The following STIM1 variants were observed in gnomAD, a reference collection of about 807,000 sequenced individuals.
STIM1 encodes stromal interaction molecule 1.
Under a neutral mutation model 74.7 loss-of-function variants are expected in STIM1, and 25 were observed. The ratio of observed to expected loss-of-function variants is 0.33; its 90% CI spans 0.24 to 0.47. STIM1 has a LOEUF of 0.47. Ranked by LOEUF, STIM1 falls within the 20% of genes least tolerant of loss-of-function variation. STIM1 has a pLI of 1.00. For missense variants in STIM1, 728 were observed against 920.8 expected (o/e 0.79, Z 2.71); for synonymous variants, 328 against 348.8 (o/e 0.94, Z 0.66).
chr11:3,860,636 G>T (rs951292225), intron 1 of STIM1, among the ~76,000 whole-genome samples: 2 of 152,104 alleles, frequency 1.3e-5, no homozygotes, highest in South Asian at 2.1e-4. Flanking sequence ...CTAATTCAAA[G>T]GTTACGAGAT....
chr11:3,901,415 T>C (rs2092345477), intron 1 of STIM1, among the ~76,000 whole-genome samples: 1 of 152,136 alleles, frequency 6.6e-6, no homozygotes, highest in African/African-American at 2.4e-5. Context: ...AGAACACCAT[T>C]AGGTAAATGA....
intron 2 of STIM1, among the ~76,000 whole-genome samples, chr11:3,976,910 T>A (rs937343876): frequency 6.6e-6 from 1 of 152,140 alleles, no homozygotes; most frequent in African/African-American, 2.4e-5. Flanking sequence ...TTCTCCTGCA[T>A]CAGCCTCCCT....
intron 1 of STIM1, among the ~76,000 whole-genome samples, chr11:3,879,207 C>T (rs984048555): frequency 1.3e-5 from 2 of 152,164 alleles, no homozygotes; most frequent in Admixed American, 6.5e-5. Context: ...CCACATGCCT[C>T]AGCCTCCCAA....
At chr11:4,006,387 A>T (rs1480439374) in intron 2 of STIM1, among the ~76,000 whole-genome samples, 1 of 151,996 alleles carries the variant, frequency 6.6e-6, no homozygotes, top group Non-Finnish European at 1.5e-5. Flanking sequence ...CTTATAAATT[A>T]CCCAGTCTCA....
chr11:3,886,638 AC>A (rs1263616429), intron 1 of STIM1, among the ~76,000 whole-genome samples: 1 of 143,616 alleles, frequency 7.0e-6, no homozygotes, highest in African/African-American at 2.7e-5. Flanking sequence ...CAGTGAGCAG[AC>A]ATCACGCCAC....
chr11:4,074,792 A>G (rs2094427925), intron 7 of STIM1, 113 bp downstream of exon 7: 2 of 1,222,128 alleles, frequency 1.6e-6, no homozygotes, highest in Admixed American at 2.1e-5. Context: ...TCCAAAGACT[A>G]TGTTCTAGAG....
At chr11:4,069,970 C>A (rs1209484212) in intron 5 of STIM1, 56 bp from the exon 6 acceptor site, 9 of 1,601,692 alleles carry the variant, frequency 5.6e-6, no homozygotes, top group Non-Finnish European at 6.8e-6. Context: ...GTGGAGTCTG[C>A]AAGGCTAAGT....
chr11:4,076,823 A>G (rs1590693387), intron 7 of STIM1, among the ~76,000 whole-genome samples: 1 of 139,722 alleles, frequency 7.2e-6, no homozygotes, highest in South Asian at 2.2e-4. Flanking sequence ...ATTTTCAAAC[A>G]TGTGAGGACT....
intron 3 of STIM1, among the ~76,000 whole-genome samples, chr11:4,029,751 A>G (rs1012817931): frequency 1.3e-5 from 2 of 152,228 alleles, no homozygotes; most frequent in African/African-American, 4.8e-5. Flanking sequence ...TGAAGTAAGC[A>G]GGTAAATAAT....
chr11:4,055,746 G>A, intron 4 of STIM1, 109 bp downstream of exon 4: 2 of 772,602 alleles, frequency 2.6e-6, no homozygotes, highest in Non-Finnish European at 4.2e-6. Context: ...CTTTTTCAGG[G>A]CAGCGTCTAT....
intron 1 of STIM1, among the ~76,000 whole-genome samples, chr11:3,876,403 A>T (rs1453295810): frequency 2.0e-5 from 3 of 152,026 alleles, no homozygotes; most frequent in Non-Finnish European, 4.4e-5. Flanking sequence ...AAAGGACTAC[A>T]TTCATTTCTT....
intron 2 of STIM1, among the ~76,000 whole-genome samples, chr11:4,022,335 CA>C (rs60560723): frequency 0.45 from 47,216 of 104,532 alleles, 10,311 homozygotes; most frequent in Middle Eastern, 0.55. Context: ...GAACCTGTCT[CA>C]AAAAAAAAAA....
chr11:3,941,978 T>G (rs1398555565), intron 1 of STIM1, among the ~76,000 whole-genome samples: 1 of 152,058 alleles, frequency 6.6e-6, no homozygotes, highest in Non-Finnish European at 1.5e-5. Flanking sequence ...AGCCACCAAG[T>G]CCTGTCTGTA....
intron 4 of STIM1, among the ~76,000 whole-genome samples, chr11:4,056,112 C>G (rs905827432): frequency 6.6e-6 from 1 of 152,154 alleles, no homozygotes; most frequent in African/African-American, 2.4e-5. Flanking sequence ...CCCTGAGCAG[C>G]TGCCTCTTTT....
At chr11:3,914,789 A>G (rs546520489) in intron 1 of STIM1, among the ~76,000 whole-genome samples, 133 of 152,284 alleles carry the variant, frequency 8.7e-4, no homozygotes, top group African/African-American at 3.0e-3. Context: ...GTAGAATTGT[A>G]TGGTAGCTTT....
chr11:3,972,866 G>A, intron 2 of STIM1: 1 of 479,990 alleles, frequency 2.1e-6, no homozygotes, highest in Admixed American at 2.2e-5. Flanking sequence ...TTTGTGTTTT[G>A]GCCAGTATAG....
At chr11:3,947,944 C>T (rs2093099657) in intron 1 of STIM1, among the ~76,000 whole-genome samples, 2 of 151,824 alleles carry the variant, frequency 1.3e-5, no homozygotes, top group South Asian at 4.2e-4. Context: ...CTGACATGTT[C>T]ATCCTCCCTT....
rs1386281910 is a variant in STIM1, at chr11:4,092,664, C to G, written c.*866C>G. ...CCTAGGGCTCAGGACAAGTGGCTCC[C>G]CTGGCCAGGAGAGCCACAGCCATGA... On this transcript the variant is annotated 3_prime_UTR_variant, in exon 13 of 13. Transcript: ENST00000526596. 2.6e-5 allele frequency: 4 copies of G among 152,294 alleles called. No homozygotes were observed. The highest frequency in any genetic ancestry group is 9.6e-5 in the African/African-American group (4 of 41,540). The allele number at this position is 152,294 out of a possible 1,614,324, so 9.4% of individuals were successfully genotyped here.
At chr11:3,905,319 A>G (rs892305844) in intron 1 of STIM1, among the ~76,000 whole-genome samples, 69 of 151,960 alleles carry the variant, frequency 4.5e-4, no homozygotes, top group African/African-American at 1.5e-3. Flanking sequence ...GAGGGAAGGA[A>G]GGAAAGAGGG....
Sources: allele counts gnomAD v4.1 joint callset (sites outside exome capture counted in the v4.1 genomes callset), GRCh38; gene constraint gnomAD v4.1.1; transcripts MANE v1.5; gene names NCBI Gene and HGNC (gene_info 2026-07-23, HGNC 2026-07-21).